CNTNAP2: variants seen among roughly 807,000 people sequenced by gnomAD.
CNTNAP2 encodes contactin-associated protein-like 2.
CNTNAP2 carries 98 observed loss-of-function variants against 155.2 expected under a neutral mutation model. The ratio of observed to expected loss-of-function variants is 0.63; its 90% CI spans 0.54 to 0.75. CNTNAP2 has a LOEUF of 0.75. CNTNAP2 is among the 30% of genes least tolerant of loss of function. CNTNAP2 has a pLI of 0.00. For synonymous variants in CNTNAP2, 651 were observed against 631.2 expected (o/e 1.03, Z -0.47); for missense variants, 1,727 against 1,688.1 (o/e 1.02, Z -0.40).
chr7:146,851,086 G>T (rs1045607823), intron 3 of CNTNAP2, among the ~76,000 whole-genome samples: 1 of 152,118 alleles, frequency 6.6e-6, no homozygotes, highest in African/African-American at 2.4e-5. Context: ...CCAAGTTCAA[G>T]CGATTCTCCT....
intron 4 of CNTNAP2, among the ~76,000 whole-genome samples, chr7:147,104,210 T>C (rs533226173): frequency 6.6e-6 from 1 of 152,124 alleles, no homozygotes; most frequent in African/African-American, 2.4e-5. Context: ...AAATCTAAAA[T>C]TTTTCCAAAA....
At chr7:147,537,730 A>C (rs150734852) in intron 11 of CNTNAP2, among the ~76,000 whole-genome samples, 14 of 152,326 alleles carry the variant, frequency 9.2e-5, no homozygotes, top group Middle Eastern at 3.4e-3. Context: ...AGAAACGCAC[A>C]TCTTTTATCA....
chr7:146,630,120 C>T (rs1461821866), intron 1 of CNTNAP2, among the ~76,000 whole-genome samples: 1 of 151,868 alleles, frequency 6.6e-6, no homozygotes, highest in Non-Finnish European at 1.5e-5. Flanking sequence ...TGTCCTAATG[C>T]TCTCCCTCCC....
At chr7:147,194,176 G>A (rs1273791429) in intron 8 of CNTNAP2, among the ~76,000 whole-genome samples, 1 of 151,624 alleles carries the variant, frequency 6.6e-6, no homozygotes, top group Non-Finnish European at 1.5e-5. Flanking sequence ...GTGAGAACAT[G>A]CAGTATTTGG....
chr7:146,163,641 G>A (rs1351620085), intron 1 of CNTNAP2, among the ~76,000 whole-genome samples: 1 of 148,196 alleles, frequency 6.7e-6, no homozygotes, highest in Non-Finnish European at 1.5e-5. Flanking sequence ...CTGGCTACTC[G>A]GGAAGCTAAG....
chr7:147,365,383 G>GAAAAAAAAAAAA (rs10557373), intron 9 of CNTNAP2, among the ~76,000 whole-genome samples: 9 of 93,636 alleles, frequency 9.6e-5, no homozygotes, highest in Non-Finnish European at 1.4e-4. Context: ...ATCTCAAAAA[G>GAAAAAAAAAAAA]AAAAAAAAAA....
intron 22 of CNTNAP2, among the ~76,000 whole-genome samples, chr7:148,405,420 ATTTTTTTTTTTTTT>A (rs36020816): frequency 3.1e-5 from 2 of 64,284 alleles, no homozygotes; most frequent in African/African-American, 1.6e-4. Flanking sequence ...TACCATTGTA[ATTTTTTTTTTTTTT>A]TTTTTTTTTT....
At chr7:146,667,426 T>G (rs1800214806) in intron 1 of CNTNAP2, among the ~76,000 whole-genome samples, 1 of 152,150 alleles carries the variant, frequency 6.6e-6, no homozygotes, top group African/African-American at 2.4e-5. Flanking sequence ...TGCTTCCATA[T>G]TTATTTTGTT....
At chr7:148,113,756 C>T (rs895615889) in intron 15 of CNTNAP2, among the ~76,000 whole-genome samples, 1 of 152,166 alleles carries the variant, frequency 6.6e-6, no homozygotes, top group Admixed American at 6.5e-5. Flanking sequence ...AGTCACAAAG[C>T]TTCTCATGTG....
At chr7:147,403,726 G>A (rs918862150) in intron 10 of CNTNAP2, among the ~76,000 whole-genome samples, 4 of 151,900 alleles carry the variant, frequency 2.6e-5, no homozygotes, top group Non-Finnish European at 1.5e-5. Context: ...TTAATTTTCT[G>A]TTTCAGTCCA....
chr7:147,726,040 T>C (rs1796636271), intron 13 of CNTNAP2, among the ~76,000 whole-genome samples: 1 of 151,964 alleles, frequency 6.6e-6, no homozygotes, highest in African/African-American at 2.4e-5. Context: ...ATTTCTCGTA[T>C]AAAAAGGCAT....
intron 14 of CNTNAP2, among the ~76,000 whole-genome samples, chr7:147,921,519 T>C (rs572537461): frequency 2.9e-4 from 44 of 152,316 alleles, no homozygotes; most frequent in Non-Finnish European, 5.3e-4. Context: ...TTTTCCAAAG[T>C]CATTCATTTC....
At chr7:147,527,941 AT>A (rs1799356201) in intron 11 of CNTNAP2, among the ~76,000 whole-genome samples, 1 of 152,198 alleles carries the variant, frequency 6.6e-6, no homozygotes, top group African/African-American at 2.4e-5. Context: ...AAGTGCATTG[AT>A]AGGGAGAAAC....
chr7:146,599,646 C>A lies in CNTNAP2; in HGVS notation c.98-174625C>A, dbSNP rs114089126. ...CTTTAATGTATTCCAGCGCTCACAA[C>A]ACTTGGCTTACCATCAGCTTTTTGG... On this transcript the variant is annotated intron_variant, in intron 1 of 23. Transcript: ENST00000361727. Among the ~76,000 whole-genome samples the A allele has an allele frequency of 8.4e-3, 1,276 of 151,996 alleles. 13 individuals are homozygous for A. The highest frequency in any genetic ancestry group is 0.029 in the African/African-American group (1,212 of 41,496).
At chr7:146,602,751 C>T (rs1479390773) in intron 1 of CNTNAP2, among the ~76,000 whole-genome samples, 4 of 152,134 alleles carry the variant, frequency 2.6e-5, no homozygotes, top group African/African-American at 9.7e-5. Context: ...TAGGAGTCTC[C>T]TTCAATGTGT....
rs993984491 is a variant in CNTNAP2 at position 148,107,884 on chromosome 7, C to T, written c.2384-10234C>T. Among the ~76,000 whole-genome samples, 3 of 152,300 alleles carry T rather than the reference C, an allele frequency of 2.0e-5. No homozygotes were observed. In the East Asian group the frequency reaches 5.8e-4, roughly 29 times the overall value. On this transcript the variant is annotated intron_variant, in intron 15 of 23. Transcript: ENST00000361727. The stretch of plus-strand genomic sequence containing the variant: ...GCTATAGATATTCTTCTAGGTGCAG[C>T]CCCAGTGTGAGCCATTTGGTGACCT...
intron 13 of CNTNAP2, among the ~76,000 whole-genome samples, chr7:147,900,764 C>A (rs574634921): frequency 3.9e-5 from 6 of 152,220 alleles, no homozygotes; most frequent in African/African-American, 9.6e-5. Flanking sequence ...CTAGAGGCGC[C>A]TGCCACTGTG....
intron 16 of CNTNAP2, among the ~76,000 whole-genome samples, chr7:148,137,540 C>T (rs781373588): frequency 1.3e-4 from 20 of 152,008 alleles, no homozygotes; most frequent in African/African-American, 2.9e-4. Context: ...CGCGTGCCTG[C>T]GGTCCCAGCC....
At chr7:147,925,153 G>A (rs200474620) in intron 14 of CNTNAP2, among the ~76,000 whole-genome samples, 100 of 44,516 alleles carry the variant, frequency 2.2e-3, no homozygotes, top group East Asian at 0.016. Flanking sequence ...GAGAGAGAGA[G>A]AGAAGGAAGG....
Sources: gnomAD v4.1 joint callset for allele counts (sites outside exome capture counted in the v4.1 genomes callset) on GRCh38, gnomAD v4.1.1 for gene constraint, MANE v1.5 for transcripts, NCBI Gene and HGNC (gene_info 2026-07-23, HGNC 2026-07-21) for gene names.